Variants in ATXN2 observed in about 807,000 individuals in gnomAD.
ATXN2 encodes ataxin 2.
A neutral mutation model predicts 138.6 loss-of-function variants in ATXN2; 37 were observed. The ratio of observed to expected loss-of-function variants is 0.27; its 90% CI spans 0.21 to 0.35. The LOEUF is 0.35. Among genes scored for constraint, ATXN2 ranks in the 10% least tolerant of loss-of-function variants. The pLI, the probability that ATXN2 is intolerant of heterozygous loss-of-function variation, is 1.00. For synonymous variants in ATXN2, 549 were observed against 543.7 expected (o/e 1.01, Z -0.13); for missense variants, 1,216 against 1,480.3 (o/e 0.82, Z 2.93).
At chr12:111,565,862 G>A (rs551340020) in intron 1 of ATXN2, among the ~76,000 whole-genome samples, 1 of 152,154 alleles carries the variant, frequency 6.6e-6, no homozygotes, top group East Asian at 1.9e-4. Flanking sequence ...CAGACGTGGT[G>A]GTGGGCGCCT....
chr12:111,461,747 C>G (rs1221973361), intron 21 of ATXN2, among the ~76,000 whole-genome samples: 1 of 151,716 alleles, frequency 6.6e-6, no homozygotes, highest in Non-Finnish European at 1.5e-5. Flanking sequence ...TGGTGAAACC[C>G]TGTCTCTACT....
chr12:111,599,162 G>A lies in ATXN2; in HGVS notation c.-128C>T, dbSNP rs964244310. On this transcript the variant is annotated 5_prime_UTR_variant, in exon 1 of 25. Coordinates refer to ENST00000673436, the MANE Select transcript of ATXN2 (RefSeq NM_001372574.1). ...CGGGGAGGCGCGGGTTGGCGCGGCC[G>A]GAGGGGCGCCCGGGCTGGCGAGGGG... 8 of 1,207,776 alleles carry A rather than the reference G, an allele frequency of 6.6e-6. No individual in the cohort carries two copies. In the African/African-American group the frequency reaches 9.5e-5, roughly 14 times the overall value. The allele number at this position is 1,207,776 out of a possible 1,614,324, so 74.8% of individuals were successfully genotyped here.
chr12:111,490,212 TAAA>T (rs77519297), intron 14 of ATXN2, among the ~76,000 whole-genome samples: 2 of 120,478 alleles, frequency 1.7e-5, no homozygotes, highest in Non-Finnish European at 3.6e-5. Flanking sequence ...ATCTAAAAAT[TAAA>T]AAAAAAAAAA....
chr12:111,582,571 G>A (rs1474769469), intron 1 of ATXN2, among the ~76,000 whole-genome samples: 1 of 152,018 alleles, frequency 6.6e-6, no homozygotes, highest in Non-Finnish European at 1.5e-5. Context: ...TCACAATACT[G>A]TACTCCAACC....
intron 23 of ATXN2, chr12:111,455,002 G>T (rs1389016771): frequency 4.3e-6 from 3 of 702,426 alleles, no homozygotes; most frequent in Non-Finnish European, 7.8e-6. Context: ...ACTTTGCAGG[G>T]TGAGGACGCC....
At position 111,575,651 on chromosome 12, in the gene ATXN2, G is replaced by A. The variant is rs115390716; in HGVS notation, c.252-19732C>T. Reference sequence around the variant, plus strand: ...TCCAAAAAGAGAGAGACCTCATCTGGCTTATTCACTACTGTATTCCCAAGC... The same window carrying A: ...TCCAAAAAGAGAGAGACCTCATCTGACTTATTCACTACTGTATTCCCAAGC... On this transcript the variant is annotated intron_variant, in intron 1 of 24. Transcript: ENST00000673436. Among the ~76,000 whole-genome samples, 446 of 152,168 alleles carry A rather than the reference G, an allele frequency of 2.9e-3. 1 individual carries two copies. Among genetic ancestry groups the A allele is most frequent in the African/African-American group, 0.01 (426 of 41,516 alleles).
At chr12:111,566,976 G>T (rs1185801519) in intron 1 of ATXN2, among the ~76,000 whole-genome samples, 1 of 152,126 alleles carries the variant, frequency 6.6e-6, no homozygotes, top group Non-Finnish European at 1.5e-5. Context: ...ATTTTGAGGG[G>T]TTCAGGACTT....
chr12:111,550,544 GA>G (rs1419764044), intron 5 of ATXN2, among the ~76,000 whole-genome samples: 17 of 151,752 alleles, frequency 1.1e-4, no homozygotes, highest in African/African-American at 2.4e-5. Context: ...GTCAATTTTT[GA>G]ATTTATAACA....
At chr12:111,460,536 C>A (rs899970818) in intron 21 of ATXN2, among the ~76,000 whole-genome samples, 3 of 151,812 alleles carry the variant, frequency 2.0e-5, no homozygotes, top group Non-Finnish European at 4.4e-5. Context: ...AAATTCTGTT[C>A]ATGGAGGTTC....
intron 1 of ATXN2, among the ~76,000 whole-genome samples, chr12:111,586,429 T>C (rs1884343769): frequency 7.1e-6 from 1 of 139,954 alleles, no homozygotes; most frequent in Non-Finnish European, 1.5e-5. Flanking sequence ...AGTCTCCCTC[T>C]GTCGTCAGTG....
intron 5 of ATXN2, among the ~76,000 whole-genome samples, chr12:111,536,931 C>T (rs938305599): frequency 2.0e-5 from 3 of 151,662 alleles, no homozygotes; most frequent in East Asian, 1.9e-4. Flanking sequence ...TACAGGTGCA[C>T]GCCACCACAC....
chr12:111,592,782 CAAAAAAAAAAAA>C (rs71083183), intron 1 of ATXN2, among the ~76,000 whole-genome samples: 2 of 26,032 alleles, frequency 7.7e-5, no homozygotes, highest in Non-Finnish European at 1.7e-4. Flanking sequence ...GACTCCGTCT[CAAAAAAAAAAAA>C]AAAAAAAAAA....
intron 1 of ATXN2, among the ~76,000 whole-genome samples, chr12:111,584,808 C>T (rs1474152368): frequency 1.3e-5 from 2 of 150,678 alleles, no homozygotes; most frequent in Admixed American, 1.3e-4. Flanking sequence ...TCTACTAAAA[C>T]TAAATACAAA....
At chr12:111,490,856 G>A (rs1173673547) in intron 14 of ATXN2, among the ~76,000 whole-genome samples, 2 of 152,090 alleles carry the variant, frequency 1.3e-5, no homozygotes, top group South Asian at 2.1e-4. Context: ...ACTCAGTGCT[G>A]CCCTGTCACA....
chr12:111,458,693 T>C (rs1203199349), intron 21 of ATXN2, among the ~76,000 whole-genome samples: 1 of 152,156 alleles, frequency 6.6e-6, no homozygotes, highest in African/African-American at 2.4e-5. Context: ...TCATATAACG[T>C]GTTAGCAAAC....
At chr12:111,463,204 G>A (rs1424774686) in intron 21 of ATXN2, among the ~76,000 whole-genome samples, 1 of 152,042 alleles carries the variant, frequency 6.6e-6, no homozygotes, top group African/African-American at 2.4e-5. Flanking sequence ...TTTCATACAA[G>A]GTGACAATAT....
rs1877390046 is a variant in ATXN2 at position 111,483,274 on chromosome 12, T to C, written c.2524+1991A>G. Among the ~76,000 whole-genome samples the C allele has an allele frequency of 2.0e-5, 3 of 150,862 alleles. 1 individual carries two copies. In the South Asian group the frequency reaches 6.3e-4, roughly 32 times the overall value. The stretch of plus-strand genomic sequence containing the variant: ...AAAAAACACATTGAGGAAATCTTAT[T>C]AATTCAGGAAAAATGAAAACTTTAT... On this transcript the variant is annotated intron_variant, in intron 18 of 24. Transcript: ENST00000673436.
chr12:111,586,998 G>A (rs912680479), intron 1 of ATXN2, among the ~76,000 whole-genome samples: 5 of 149,848 alleles, frequency 3.3e-5, no homozygotes, highest in Admixed American at 1.4e-4. Context: ...CAGACCAGAG[G>A]CTAAAGCAGG....
chr12:111,554,051 T>C, intron 3 of ATXN2, 107 bp downstream of exon 3: 2 of 741,670 alleles, frequency 2.7e-6, no homozygotes, highest in African/African-American at 1.9e-5. Flanking sequence ...TGACTAAACA[T>C]GATCTAAGCA....
Sources: allele counts gnomAD v4.1 joint callset (sites outside exome capture counted in the v4.1 genomes callset), GRCh38; gene constraint gnomAD v4.1.1; transcripts MANE v1.5; gene names NCBI Gene and HGNC (gene_info 2026-07-23, HGNC 2026-07-21).